The following TNFAIP8L1 variants were observed in gnomAD, a reference collection of about 807,000 sequenced individuals.
The protein encoded by TNFAIP8L1 is tumor necrosis factor alpha-induced protein 8-like protein 1.
For missense variants in TNFAIP8L1, 225 were observed against 266.1 expected (o/e 0.85, Z 1.08); for synonymous variants, 127 against 125.6 (o/e 1.01, Z -0.08).
intron 1 of TNFAIP8L1, among the ~76,000 whole-genome samples, chr19:4,649,448 G>A (rs2088341881): frequency 6.6e-6 from 1 of 152,190 alleles, no homozygotes; most frequent in Non-Finnish European, 1.5e-5. Flanking sequence ...TGGGGAAACT[G>A]AGGCACATTG....
rs1446562090 is a variant in TNFAIP8L1, at chr19:4,652,150, C to G, written c.281C>G (p.Ala94Gly). The part of the protein sequence containing the change: ...LALLRRFRHR[A>G]RCLAMTAVSF... Reference sequence around the variant, plus strand: ...CTGCTGCGGCGCTTCCGCCACCGGGCGCGCTGCCTGGCCATGACGGCCGTC... The same window carrying G: ...CTGCTGCGGCGCTTCCGCCACCGGGGGCGCTGCCTGGCCATGACGGCCGTC... The change falls in exon 2 of 2, where the codon GCG (alanine) becomes GGG (glycine). Residue 94 changes from alanine to glycine, a missense_variant. Coordinates refer to ENST00000327473, the MANE Select transcript of TNFAIP8L1 (RefSeq NM_152362.3). 1 of 1,562,294 alleles carries G rather than the reference C, an allele frequency of 6.4e-7. No individual in the cohort carries two copies. The highest frequency in any genetic ancestry group is 2.4e-5 in the East Asian group (1 of 41,658).
At chr19:4,643,673 C>T (rs982812275) in intron 1 of TNFAIP8L1, among the ~76,000 whole-genome samples, 1 of 152,240 alleles carries the variant, frequency 6.6e-6, no homozygotes, top group Non-Finnish European at 1.5e-5. Context: ...TATGGCGGCT[C>T]ATGCCTGTAA....
chr19:4,645,706 C>CAAA lies in TNFAIP8L1; in HGVS notation c.-4+6092_-4+6094dup, dbSNP rs58019387. Among the ~76,000 whole-genome samples, 1 of 92,824 alleles carries CAAA rather than the reference C, an allele frequency of 1.1e-5. No homozygotes were observed. Among genetic ancestry groups the CAAA allele is most frequent in the Non-Finnish European group, 2.4e-5 (1 of 42,228 alleles). The allele number at this position is 92,824 out of a possible 152,430, so 60.9% of individuals were successfully genotyped here. On this transcript the variant is annotated intron_variant, in intron 1 of 1. Transcript: ENST00000327473. The surrounding 1 kb of genome is among the most constrained non-coding windows in gnomAD (Gnocchi z 4.1). ...GAGGCTGAGGCAGGAGGATCCGTCT[C>CAAA]AAAAAAAAAAAAAAAAAGGAATATA...
At chr19:4,647,023 G>T (rs1042011768) in intron 1 of TNFAIP8L1, among the ~76,000 whole-genome samples, 1 of 152,194 alleles carries the variant, frequency 6.6e-6, no homozygotes. Flanking sequence ...GTGCATCCAC[G>T]CTGGAGCTTG....
In TNFAIP8L1 at chr19:4,652,419, G is replaced by A; in HGVS notation, c.550G>A (p.Gly184Ser). 6.5e-7 allele frequency: 1 copy of A among 1,527,026 alleles called. No individual in the cohort carries two copies. Among genetic ancestry groups the A allele is most frequent in the South Asian group, 1.2e-5 (1 of 82,948 alleles). 94.6% of individuals were successfully genotyped at this position (1,527,026 alleles called of 1,614,324 possible). A position where few individuals can be genotyped will look rare whatever the true frequency, so the allele number is the denominator to read the frequency against. Residue 184 changes from glycine to serine, a missense_variant, in exon 2 of 2, where the codon GGC becomes AGC. By Grantham distance (56) the Gly-to-Ser change is moderately conservative. Transcript: ENST00000327473. Reference protein sequence around the residue: ...CEGLGRMLDEGSL With the variant: ...CEGLGRMLDESSL ...GGGCCTGGGCCGGATGCTGGACGAGGGCAGCCTCTGAACCCCGGCGCCGCC... is the reference window on the plus strand; with the variant it reads ...GGGCCTGGGCCGGATGCTGGACGAGAGCAGCCTCTGAACCCCGGCGCCGCC...
intron 1 of TNFAIP8L1, among the ~76,000 whole-genome samples, chr19:4,643,892 G>A (rs192520149): frequency 7.9e-5 from 12 of 152,064 alleles, no homozygotes; most frequent in East Asian, 1.9e-4. Context: ...CTGAGATCGC[G>A]CAACAGAGCG....
intron 1 of TNFAIP8L1, among the ~76,000 whole-genome samples, chr19:4,644,773 G>A (rs1289389448): frequency 1.3e-5 from 2 of 151,890 alleles, no homozygotes; most frequent in African/African-American, 4.8e-5. Context: ...GCTAATTTTT[G>A]TATTTTTAGT....
intron 1 of TNFAIP8L1, 68 bp downstream of exon 1, chr19:4,639,697 C>T (rs1414513862): frequency 6.6e-6 from 1 of 152,256 alleles, no homozygotes; most frequent in East Asian, 1.9e-4. Context: ...CGCCCTCTGT[C>T]TCTCCCGCCC....
intron 1 of TNFAIP8L1, among the ~76,000 whole-genome samples, chr19:4,648,877 G>A (rs968749242): frequency 2.0e-4 from 30 of 151,876 alleles, no homozygotes; most frequent in Non-Finnish European, 3.5e-4. Context: ...AACTGGGGAG[G>A]CTGGACCCAG....
At chr19:4,651,425 G>A (rs1319364252) in intron 1 of TNFAIP8L1, among the ~76,000 whole-genome samples, 1 of 150,240 alleles carries the variant, frequency 6.7e-6, no homozygotes, top group Non-Finnish European at 1.5e-5. Context: ...CAATTCTCCT[G>A]CCTCAGCCTC....
chr19:4,646,917 G>A (rs905389822), intron 1 of TNFAIP8L1, among the ~76,000 whole-genome samples: 11 of 152,164 alleles, frequency 7.2e-5, no homozygotes, highest in African/African-American at 2.4e-4. Flanking sequence ...GGCGTGAGCC[G>A]GTGCCCGGCC....
chr19:4,642,462 C>CA (rs1292306284), intron 1 of TNFAIP8L1: 1 of 142,782 alleles, frequency 7.0e-6, no homozygotes, highest in Non-Finnish European at 1.5e-5. Context: ...CCTGGGTTGA[C>CA]AGAGTGTGAG....
rs2088305997 is a variant in TNFAIP8L1, at chr19:4,645,890, G to A, written c.-3-5977G>A. On this transcript the variant is annotated intron_variant, in intron 1 of 1. Transcript: ENST00000327473. This position sits in a 1 kb window ranked among gnomAD's most constrained non-coding sequence, Gnocchi z 4.1. ...GGACAGAGGCTGTGGACAGGGCTGA[G>A]GCCTCCTGGCTGTTCCTGTAACAAG... Among the ~76,000 whole-genome samples the A allele has an allele frequency of 6.6e-6, 1 of 152,052 alleles. No homozygotes were observed. Among genetic ancestry groups the A allele is most frequent in the African/African-American group, 2.4e-5 (1 of 41,362 alleles).
rs1010663338 is a variant in TNFAIP8L1 at position 4,654,470 on chromosome 19, T to C, written c.*2040T>C. 6.6e-6 allele frequency: 1 copy of C among 152,102 alleles called. No homozygotes were observed. Among genetic ancestry groups the C allele is most frequent in the Non-Finnish European group, 1.5e-5 (1 of 68,034 alleles). The allele number at this position is 152,102 out of a possible 1,614,324, so 9.4% of individuals were successfully genotyped here. A position where few individuals can be genotyped will look rare whatever the true frequency, so the allele number is the denominator to read the frequency against. ...GTGATCCTCCCACCTCAGCCCCGGG[T>C]AGCTGGGACTACAGGTGTGCACGAG... is the stretch of plus-strand genomic sequence containing the variant. On this transcript the variant is annotated 3_prime_UTR_variant, in exon 2 of 2. Coordinates refer to ENST00000327473, the MANE Select transcript of TNFAIP8L1 (RefSeq NM_152362.3).
intron 1 of TNFAIP8L1, 66 bp from the exon 2 acceptor site, chr19:4,651,801 G>A: frequency 6.7e-7 from 1 of 1,499,668 alleles, no homozygotes; most frequent in Non-Finnish European, 8.9e-7. Context: ...CTGTGGTGTT[G>A]TCACCTCTTC....
intron 1 of TNFAIP8L1, among the ~76,000 whole-genome samples, chr19:4,650,094 T>C (rs1211919631): frequency 6.6e-6 from 1 of 152,176 alleles, no homozygotes; most frequent in Admixed American, 6.5e-5. Context: ...TCAGCAGATG[T>C]TTCTGGAGTC....
At position 4,645,344 on chromosome 19, in the gene TNFAIP8L1, T is replaced by TA. The variant is rs35789483; in HGVS notation, c.-4+5716dup. On this transcript the variant is annotated intron_variant, in intron 1 of 1. Transcript: ENST00000327473. The surrounding 1 kb of genome is among the most constrained non-coding windows in gnomAD (Gnocchi z 4.1). ...GAGTAGATCACTTGAGGCCGGGAGT[T>TA]AGAGACCAGCCTGGCCGACATGGCC... is the stretch of plus-strand genomic sequence containing the variant. 0.15 allele frequency among the ~76,000 whole-genome samples: 22,656 copies of TA among 151,824 alleles called. 2,177 individuals carry two copies. Among genetic ancestry groups the TA allele is most frequent in the African/African-American group, 0.28 (11,508 of 41,328 alleles).
intron 1 of TNFAIP8L1, among the ~76,000 whole-genome samples, chr19:4,644,693 C>T (rs1206240010): frequency 1.3e-5 from 2 of 149,456 alleles, no homozygotes; most frequent in African/African-American, 5.0e-5. Flanking sequence ...AACCTCTGCC[C>T]CCCAGGTTCA....
At chr19:4,650,940 T>A (rs1249029799) in intron 1 of TNFAIP8L1, among the ~76,000 whole-genome samples, 1 of 152,118 alleles carries the variant, frequency 6.6e-6, no homozygotes, top group African/African-American at 2.4e-5. Context: ...GCCGAGATCG[T>A]GCCACCACAC....
Sources: gnomAD v4.1 joint callset for allele counts (sites outside exome capture counted in the v4.1 genomes callset) on GRCh38, gnomAD v4.1.1 for gene constraint, Gnocchi (gnomAD v3.1) non-coding constraint, MANE v1.5 for transcripts, NCBI Gene and HGNC (gene_info 2026-07-23, HGNC 2026-07-21) for gene names.